The following RAP1GAP2 variants were observed in gnomAD, a reference collection of about 807,000 sequenced individuals.
The protein encoded by RAP1GAP2 is rap1 GTPase-activating protein 2.
In RAP1GAP2, 27 loss-of-function variants were observed where a neutral mutation model predicts 95.0. That is an observed-to-expected ratio of 0.28 (90% CI 0.21 to 0.39). The LOEUF is 0.39. Ranked by LOEUF, RAP1GAP2 falls within the 10% of genes least tolerant of loss-of-function variation. The probability of loss-of-function intolerance (pLI) is 1.00; values close to 1 mark genes in which losing one functional copy is unlikely to be tolerated. For missense variants in RAP1GAP2, 771 were observed against 970.0 expected (o/e 0.79, Z 2.72); for synonymous variants, 373 against 380.9 (o/e 0.98, Z 0.24).
rs2047168273 is a variant in RAP1GAP2, at chr17:3,027,650, T to C, written c.2107+580T>C. On this transcript the variant is annotated intron_variant, in intron 22 of 24. Coordinates refer to ENST00000254695, the MANE Select transcript of RAP1GAP2 (RefSeq NM_015085.5). The surrounding 1 kb of genome is among the most constrained non-coding windows in gnomAD (Gnocchi z 5.2). ...GCCCCGGGTGAGGATTTTGTTCTGC[T>C]AGCGGCCACTGTTGGAGTGTTTGAA... Among the ~76,000 whole-genome samples the C allele has an allele frequency of 6.6e-6, 1 of 152,004 alleles. No homozygotes were observed. Among genetic ancestry groups the C allele is most frequent in the East Asian group, 1.9e-4 (1 of 5,152 alleles).
intron 3 of RAP1GAP2, among the ~76,000 whole-genome samples, chr17:2,944,161 C>CAAAAAAAAAAAAAAAAA (rs36063732): frequency 2.4e-5 from 2 of 81,800 alleles, no homozygotes; most frequent in Non-Finnish European, 2.5e-5. Flanking sequence ...ACAGCAAAAC[C>CAAAAAAAAAAAAAAAAA]AAAAAAAAAA....
chr17:2,978,891 C>T (rs1433483766), intron 8 of RAP1GAP2, among the ~76,000 whole-genome samples: 7 of 151,854 alleles, frequency 4.6e-5, no homozygotes, highest in Non-Finnish European at 8.8e-5. Context: ...GCCGAGATCA[C>T]GCCATTGCAC....
rs2045745464 is a variant in RAP1GAP2 at position 2,991,382 on chromosome 17, T to G, written c.899T>G (p.Leu300Arg). 1 of 1,600,910 alleles carries G rather than the reference T, an allele frequency of 6.2e-7. No individual in the cohort carries two copies. Among genetic ancestry groups the G allele is most frequent in the Non-Finnish European group, 8.5e-7 (1 of 1,173,626 alleles). Residue 300 changes from leucine to arginine, a missense_variant, in exon 12 of 25, where the codon CTG (leucine) becomes CGG (arginine). Leu to Arg is a moderately radical substitution (Grantham distance 102). Coordinates refer to ENST00000254695, the MANE Select transcript of RAP1GAP2 (RefSeq NM_015085.5). ...GACCTGCTGGGGGACACGATCACAC[T>G]GCAGGATTTCAAAGGGTGGGTTTTA... ...FLDLLGDTITLQDFKGFRGGL... is the reference protein window; with the variant it reads ...FLDLLGDTITRQDFKGFRGGL...
At chr17:2,875,052 T>C (rs1242541924) in intron 2 of RAP1GAP2, among the ~76,000 whole-genome samples, 1 of 152,166 alleles carries the variant, frequency 6.6e-6, no homozygotes, top group African/African-American at 2.4e-5. Flanking sequence ...CGACATTTGT[T>C]AAAAGCAAGT....
At chr17:2,901,223 C>T (rs1400497697) in intron 2 of RAP1GAP2, among the ~76,000 whole-genome samples, 1 of 152,234 alleles carries the variant, frequency 6.6e-6, no homozygotes, top group East Asian at 1.9e-4. Flanking sequence ...CAGGGAACCT[C>T]AGTGCCATGT....
At chr17:3,006,089 T>A in intron 16 of RAP1GAP2, 48 bp downstream of exon 16, 3 of 1,389,444 alleles carry the variant, frequency 2.2e-6, no homozygotes, top group Non-Finnish European at 3.1e-6. Context: ...CTGGGCCACC[T>A]GTTAGCCAGC....
In RAP1GAP2 at chr17:2,902,125, C is replaced by T. The variant is rs753538531; in HGVS notation, c.81-3159C>T. ...AGCCTCTGGCGGGGTCGGCAAGCCT[C>T]AGCATGCGTTGGCTTGCAGCCGCAT... On this transcript the variant is annotated intron_variant, in intron 2 of 24. Transcript: ENST00000254695. This position sits in a 1 kb window ranked among gnomAD's most constrained non-coding sequence, Gnocchi z 4.1. 3.9e-4 allele frequency among the ~76,000 whole-genome samples: 59 copies of T among 152,346 alleles called. No individual in the cohort carries two copies. The highest frequency in any genetic ancestry group is 6.6e-4 in the Non-Finnish European group (45 of 68,034).
upstream of RAP1GAP2, among the ~76,000 whole-genome samples, chr17:2,773,992 A>G (rs2068445749): frequency 6.6e-6 from 1 of 152,104 alleles, no homozygotes; most frequent in Admixed American, 6.6e-5. Flanking sequence ...TCCTGCCCTC[A>G]GGTGATCTGC....
intron 3 of RAP1GAP2, among the ~76,000 whole-genome samples, chr17:2,928,214 C>T (rs917402859): frequency 6.6e-6 from 1 of 152,232 alleles, no homozygotes; most frequent in African/African-American, 2.4e-5. Flanking sequence ...ATTCACACAT[C>T]GCCGCCTTCC....
chr17:2,854,435 C>T (rs558480488), intron 2 of RAP1GAP2, among the ~76,000 whole-genome samples: 8 of 152,354 alleles, frequency 5.3e-5, no homozygotes, highest in African/African-American at 1.9e-4. Context: ...ATTGATCCAG[C>T]CCAGGCGGCT....
chr17:2,853,910 G>A (rs2072007936), intron 2 of RAP1GAP2: 6 of 979,560 alleles, frequency 6.1e-6, no homozygotes, highest in Non-Finnish European at 7.3e-6. Context: ...GCCGGGGCGC[G>A]GGCTCAGGGG....
At chr17:2,772,855 C>CTTTCTTTTTTTTT (rs1555540245), upstream of RAP1GAP2, among the ~76,000 whole-genome samples, 2 of 126,076 alleles carry the variant, frequency 1.6e-5, no homozygotes, top group African/African-American at 2.8e-5. Flanking sequence ...TTCTTTCTTT[C>CTTTCTTTTTTTTT]TTTTTTTTTT....
chr17:2,853,224 G>A (rs2071955911), intron 2 of RAP1GAP2, among the ~76,000 whole-genome samples: 1 of 152,018 alleles, frequency 6.6e-6, no homozygotes, highest in Non-Finnish European at 1.5e-5. Context: ...GCTCCCACCC[G>A]GGGACCCGGG....
chr17:2,756,443 G>A (rs531909212), intron 1 of RAP1GAP2, among the ~76,000 whole-genome samples: 1 of 152,160 alleles, frequency 6.6e-6, no homozygotes, highest in Non-Finnish European at 1.5e-5. Context: ...CAGCGCTGTC[G>A]AGTCACCTGA....
rs568199641 is a variant in RAP1GAP2, at chr17:2,882,409, G to T, written c.81-22875G>T. ...CAGGTTCAAGTGATTCTCCTGCCTT[G>T]GCCTCCCAAGTAGCTGGGGTTACAG... On this transcript the variant is annotated intron_variant, in intron 2 of 24. Coordinates refer to ENST00000254695, the MANE Select transcript of RAP1GAP2 (RefSeq NM_015085.5). Among the ~76,000 whole-genome samples the T allele has an allele frequency of 2.4e-4, 37 of 151,146 alleles. No individual in the cohort carries two copies. In the South Asian group the frequency reaches 7.7e-3, roughly 32 times the overall value.
chr17:2,808,847 G>A (rs557557125), intron 2 of RAP1GAP2, among the ~76,000 whole-genome samples: 5 of 152,276 alleles, frequency 3.3e-5, no homozygotes, highest in South Asian at 4.1e-4. Flanking sequence ...GTGCACGCTC[G>A]CCCATGCAGG....
In RAP1GAP2 at chr17:3,034,475, A is replaced by G; in HGVS notation, c.*1114A>G. 5.4e-6 allele frequency: 1 copy of G among 183,740 alleles called. No individual in the cohort carries two copies. Among genetic ancestry groups the G allele is most frequent in the Non-Finnish European group, 1.2e-5 (1 of 83,276 alleles). 11.4% of individuals were successfully genotyped at this position (183,740 alleles called of 1,614,324 possible). A position where few individuals can be genotyped will look rare whatever the true frequency, so the allele number is the denominator to read the frequency against. On this transcript the variant is annotated 3_prime_UTR_variant, in exon 25 of 25. Coordinates refer to ENST00000254695, the MANE Select transcript of RAP1GAP2 (RefSeq NM_015085.5). This position sits in a 1 kb window ranked among gnomAD's most constrained non-coding sequence, Gnocchi z 5.1. The stretch of plus-strand genomic sequence containing the variant: ...GGGGCACAGTGTCCCTCAGCAGCTT[A>G]CGCCCCTGGAGTCTTGGGGGGCCCA...
chr17:2,764,011 A>C (rs557910708), intron 1 of RAP1GAP2, among the ~76,000 whole-genome samples: 25 of 152,182 alleles, frequency 1.6e-4, no homozygotes, highest in African/African-American at 5.5e-4. Flanking sequence ...TCACGTCCTC[A>C]TCTATAAAAT....
intron 3 of RAP1GAP2, among the ~76,000 whole-genome samples, chr17:2,944,182 A>AAAC (rs1567806274): frequency 6.8e-6 from 1 of 147,986 alleles, no homozygotes; most frequent in East Asian, 2.0e-4. Flanking sequence ...AAAAAAAAAA[A>AAAC]ACCAAACCAC....
Sources: allele counts gnomAD v4.1 joint callset (sites outside exome capture counted in the v4.1 genomes callset), GRCh38; gene constraint gnomAD v4.1.1; non-coding constraint Gnocchi (gnomAD v3.1); transcripts MANE v1.5; gene names NCBI Gene and HGNC (gene_info 2026-07-23, HGNC 2026-07-21).